RASA3: variants seen among roughly 807,000 people sequenced by gnomAD.
The protein encoded by RASA3 is RAS p21 protein activator 3.
A neutral mutation model predicts 110.0 loss-of-function variants in RASA3; 73 were observed. The ratio of observed to expected loss-of-function variants is 0.66; its 90% CI spans 0.55 to 0.81. The LOEUF is 0.81. Among genes scored for constraint, RASA3 ranks in the 30% least tolerant of loss-of-function variants. The pLI is 0.00. For missense variants in RASA3, 976 were observed against 1,113.2 expected (o/e 0.88, Z 1.75); for synonymous variants, 500 against 451.4 (o/e 1.11, Z -1.37).
intron 14 of RASA3, among the ~76,000 whole-genome samples, chr13:114,013,908 CTG>C (rs68023092): frequency 0.33 from 35,512 of 106,514 alleles, 7,195 homozygotes; most frequent in Middle Eastern, 0.42. Context: ...CTCTCTTTCT[CTG>C]TCTCTCTCTC....
chr13:114,125,584 CGGG>C (rs2080435921), intron 1 of RASA3, among the ~76,000 whole-genome samples: 1 of 152,162 alleles, frequency 6.6e-6, no homozygotes. Context: ...CTTCCAACGA[CGGG>C]GTGACAGTTC....
chr13:113,990,891 T>C (rs992285080), intron 22 of RASA3, among the ~76,000 whole-genome samples: 2 of 152,274 alleles, frequency 1.3e-5, no homozygotes, highest in Non-Finnish European at 2.9e-5. Context: ...CATGTGTATG[T>C]GCCTGTGTGT....
intron 18 of RASA3, among the ~76,000 whole-genome samples, chr13:114,004,185 G>A (rs1250870151): frequency 6.6e-6 from 1 of 152,136 alleles, no homozygotes; most frequent in Non-Finnish European, 1.5e-5. Context: ...TTCAGCAGAT[G>A]GCTCTAACAG....
chr13:114,037,214 C>T (rs1292158850), intron 4 of RASA3, among the ~76,000 whole-genome samples: 2 of 152,168 alleles, frequency 1.3e-5, no homozygotes, highest in African/African-American at 2.4e-5. Flanking sequence ...ACGTCTGAGT[C>T]CTGATCGTCA....
At chr13:113,990,529 C>T (rs2053083927) in intron 22 of RASA3, among the ~76,000 whole-genome samples, 1 of 152,230 alleles carries the variant, frequency 6.6e-6, no homozygotes, top group African/African-American at 2.4e-5. Context: ...GTGTCGGTTC[C>T]TGCTATGAGA....
chr13:114,003,521 T>TG (rs1227068249), intron 18 of RASA3, among the ~76,000 whole-genome samples: 1 of 152,244 alleles, frequency 6.6e-6, no homozygotes, highest in Admixed American at 6.5e-5. Context: ...TGTTAAAGAA[T>TG]AAATCATAAG....
At chr13:113,984,515 C>G (rs184457519) in intron 22 of RASA3, among the ~76,000 whole-genome samples, 68 of 49,244 alleles carry the variant, frequency 1.4e-3, no homozygotes, top group African/African-American at 4.0e-3. Context: ...CCACCCATTA[C>G]TCACCCATCC....
At chr13:114,118,925 C>A (rs1186032614) in intron 1 of RASA3, among the ~76,000 whole-genome samples, 1 of 152,202 alleles carries the variant, frequency 6.6e-6, no homozygotes, top group East Asian at 1.9e-4. Flanking sequence ...CCGTGGGGTC[C>A]CCCAGAAGGA....
At chr13:114,110,777 G>C (rs2080207210) in intron 1 of RASA3, among the ~76,000 whole-genome samples, 1 of 152,212 alleles carries the variant, frequency 6.6e-6, no homozygotes, top group South Asian at 2.1e-4. Context: ...CGGAGCCTCA[G>C]AGCACCAGGA....
chr13:114,080,406 C>T lies in RASA3; in HGVS notation c.56-6569G>A, dbSNP rs938445179. ...CTGCCCAGGGAGGGCCCAGCACTGCCGTCCAGGGGGTCTGCCTGTCGTCCA... is the reference window on the plus strand; with the variant it reads ...CTGCCCAGGGAGGGCCCAGCACTGCTGTCCAGGGGGTCTGCCTGTCGTCCA... On this transcript the variant is annotated intron_variant, in intron 1 of 23. Coordinates refer to ENST00000334062, the MANE Select transcript of RASA3 (RefSeq NM_007368.4). Among the ~76,000 whole-genome samples, 4 of 152,142 alleles carry T rather than the reference C, an allele frequency of 2.6e-5. No individual in the cohort carries two copies. In the South Asian group the frequency reaches 6.2e-4, roughly 24 times the overall value.
At chr13:114,052,239 T>G in intron 2 of RASA3, 84 bp from the exon 3 acceptor site, 1 of 875,040 alleles carries the variant, frequency 1.1e-6, no homozygotes, top group Non-Finnish European at 1.9e-6. Flanking sequence ...GGTCTTAGTT[T>G]TAAACATGCC....
intron 21 of RASA3, 33 bp from the exon 22 acceptor site, chr13:113,992,621 A>C (rs777402431): frequency 1.3e-6 from 2 of 1,486,302 alleles, no homozygotes; most frequent in South Asian, 2.3e-5. Context: ...GAAAGATAAA[A>C]ACACTTATTT....
At chr13:114,110,867 C>T (rs1321534171) in intron 1 of RASA3, among the ~76,000 whole-genome samples, 6 of 152,302 alleles carry the variant, frequency 3.9e-5, no homozygotes, top group Admixed American at 1.3e-4. Context: ...GAGAGAGCCA[C>T]GGTGTCCCAG....
chr13:114,037,640 T>C (rs2054303544), intron 4 of RASA3, among the ~76,000 whole-genome samples: 3 of 152,180 alleles, frequency 2.0e-5, no homozygotes, highest in African/African-American at 2.4e-5. Flanking sequence ...TACCACTGAA[T>C]TGGACATTTT....
At chr13:113,993,573 C>T (rs1302940725) in intron 21 of RASA3, among the ~76,000 whole-genome samples, 5 of 151,324 alleles carry the variant, frequency 3.3e-5, no homozygotes, top group Middle Eastern at 3.2e-3. Flanking sequence ...TTTGGGAGGC[C>T]GAGGCAGGTG....
chr13:114,075,377 G>A (rs2139676820), intron 1 of RASA3, among the ~76,000 whole-genome samples: 1 of 152,336 alleles, frequency 6.6e-6, no homozygotes, highest in Admixed American at 6.5e-5. Flanking sequence ...GCTTTTTAAA[G>A]ACTTTTCATC....
In RASA3 at chr13:114,113,088, A is replaced by G. The variant is rs373022865; in HGVS notation, c.55+19347T>C. ...GGGCAGGAGCTGGAGGGCTGGGATG[A>G]TCCTAAGGGGATGCTCGGCCATAAG... On this transcript the variant is annotated intron_variant, in intron 1 of 23. Transcript: ENST00000334062. Among the ~76,000 whole-genome samples, 8 of 152,294 alleles carry G rather than the reference A, an allele frequency of 5.3e-5. No homozygotes were observed. In the East Asian group the frequency reaches 1.4e-3, roughly 26 times the overall value.
intron 1 of RASA3, among the ~76,000 whole-genome samples, chr13:114,130,002 C>T (rs891607589): frequency 6.6e-6 from 1 of 152,232 alleles, no homozygotes; most frequent in African/African-American, 2.4e-5. Context: ...AAGAAAGAGC[C>T]TGAGGGGCTC....
At position 114,065,353 on chromosome 13, in the gene RASA3, G is replaced by A. The variant is rs1350194268; in HGVS notation, c.173+8367C>T. On this transcript the variant is annotated intron_variant, in intron 2 of 23. Coordinates refer to ENST00000334062, the MANE Select transcript of RASA3 (RefSeq NM_007368.4). This position sits in a 1 kb window ranked among gnomAD's most constrained non-coding sequence, Gnocchi z 4.1. Reference sequence around the variant, plus strand: ...GGGCCCATTTCCCAAACGCTGGGGGGAGCCGGGAGCTGCCAGGGCTGCCCC... The same window carrying A: ...GGGCCCATTTCCCAAACGCTGGGGGAAGCCGGGAGCTGCCAGGGCTGCCCC... Among the ~76,000 whole-genome samples the A allele has an allele frequency of 1.3e-5, 2 of 152,208 alleles. No individual in the cohort carries two copies. The highest frequency in any genetic ancestry group is 4.8e-5 in the African/African-American group (2 of 41,448).
Sources: allele counts gnomAD v4.1 joint callset (sites outside exome capture counted in the v4.1 genomes callset), GRCh38; gene constraint gnomAD v4.1.1; non-coding constraint Gnocchi (gnomAD v3.1); transcripts MANE v1.5; gene names NCBI Gene and HGNC (gene_info 2026-07-23, HGNC 2026-07-21).